HERC2: variants seen among roughly 807,000 people sequenced by gnomAD.
HERC2 encodes the protein HECT and RLD domain containing E3 ubiquitin protein ligase 2, also known as E3 ubiquitin-protein ligase HERC2.
In HERC2, 102 loss-of-function variants were observed where a neutral mutation model predicts 537.7. The observed-to-expected ratio is 0.19, with a 90% CI of 0.16 to 0.22. HERC2 has a LOEUF of 0.22. Ranked by LOEUF, HERC2 falls within the 10% of genes least tolerant of loss-of-function variation. The pLI is 1.00. For missense variants in HERC2, 4,236 were observed against 6,198.2 expected (o/e 0.68, Z 10.63); for synonymous variants, 2,224 against 2,466.2 (o/e 0.90, Z 2.91).
intron 15 of HERC2, among the ~76,000 whole-genome samples, chr15:28,262,450 CCTTTGCAACT>C (rs2075439997): frequency 1.3e-5 from 2 of 152,202 alleles, no homozygotes; most frequent in Admixed American, 1.3e-4. Flanking sequence ...ATGCTGGACA[CCTTTGCAACT>C]GAGCAAGCAG....
At chr15:28,189,522 G>C (rs1896631528) in intron 55 of HERC2, among the ~76,000 whole-genome samples, 1 of 152,058 alleles carries the variant, frequency 6.6e-6, no homozygotes, top group Non-Finnish European at 1.5e-5. Context: ...CATTTTTATA[G>C]TTTGCCAATT....
chr15:28,296,606 A>C (rs2525956), intron 3 of HERC2, among the ~76,000 whole-genome samples: 4 of 151,958 alleles, frequency 2.6e-5, no homozygotes, highest in South Asian at 4.2e-4. Flanking sequence ...TTTGGGAAAA[A>C]TTTTAATTTA....
chr15:28,298,242 C>G (rs2076524944), intron 3 of HERC2, among the ~76,000 whole-genome samples: 1 of 147,884 alleles, frequency 6.8e-6, no homozygotes, highest in Admixed American at 6.7e-5. Context: ...CAACCTCCAC[C>G]TCCCGGCTCC....
At chr15:28,141,062 A>G (rs1005865971) in intron 78 of HERC2, among the ~76,000 whole-genome samples, 3 of 151,542 alleles carry the variant, frequency 2.0e-5, no homozygotes, top group Non-Finnish European at 2.9e-5. Flanking sequence ...ACATGGTGAA[A>G]ACCTGTCTCT....
intron 64 of HERC2, among the ~76,000 whole-genome samples, chr15:28,174,993 T>C (rs1016842777): frequency 6.6e-6 from 1 of 152,140 alleles, no homozygotes; most frequent in Non-Finnish European, 1.5e-5. Context: ...AAGTTGCTTC[T>C]TGGCCTTATA....
At chr15:28,150,836 C>G (rs1443544439) in intron 70 of HERC2, among the ~76,000 whole-genome samples, 1 of 151,710 alleles carries the variant, frequency 6.6e-6, no homozygotes, top group East Asian at 1.9e-4. Flanking sequence ...CATACTTTCA[C>G]AGAGGAAAAA....
At position 28,300,823 on chromosome 15, in the gene HERC2, CAAAAAAAAAA is replaced by C. The variant is rs57696757; in HGVS notation, c.73-1317_73-1308del. Reference sequence around the variant, plus strand: ...GGGTAAACAGAACGAGACTCCATCTCAAAAAAAAAAAAAAAAAAAAAAAAAAAAAATTAAG... The same window carrying C: ...GGGTAAACAGAACGAGACTCCATCTCAAAAAAAAAAAAAAAAAAAATTAAG... On this transcript the variant is annotated intron_variant, in intron 2 of 92. Coordinates refer to ENST00000261609, the MANE Select transcript of HERC2 (RefSeq NM_004667.6). 2.5e-3 allele frequency among the ~76,000 whole-genome samples: 33 copies of C among 13,138 alleles called. No homozygotes were observed. In the East Asian group the frequency reaches 0.033, roughly 13 times the overall value. The allele number at this position is 13,138 out of a possible 152,430, so 8.6% of individuals were successfully genotyped here.
chr15:28,277,294 G>A (rs2075899986), intron 5 of HERC2, among the ~76,000 whole-genome samples: 1 of 152,000 alleles, frequency 6.6e-6, no homozygotes, highest in South Asian at 2.1e-4. Flanking sequence ...ACACAATTGA[G>A]AGCATGTAAA....
intron 2 of HERC2, among the ~76,000 whole-genome samples, chr15:28,307,596 C>G (rs1047516481): frequency 5.0e-4 from 76 of 152,238 alleles, no homozygotes; most frequent in African/African-American, 1.8e-3. Flanking sequence ...AATTTCTTCA[C>G]TGACCTGTTG....
intron 12 of HERC2, among the ~76,000 whole-genome samples, chr15:28,267,706 C>T (rs1007338898): frequency 1.3e-5 from 2 of 152,232 alleles, no homozygotes; most frequent in African/African-American, 4.8e-5. Context: ...CGGATGCTGT[C>T]GGCAATGATG....
At chr15:28,266,634 C>T (rs2075575073) in intron 12 of HERC2, among the ~76,000 whole-genome samples, 1 of 152,200 alleles carries the variant, frequency 6.6e-6, no homozygotes, top group Non-Finnish European at 1.5e-5. Context: ...GGCTGGATCT[C>T]AAGACATCTG....
In HERC2 at chr15:28,142,257, G is replaced by A. The variant is rs759781745; in HGVS notation, c.11681C>T (p.Pro3894Leu). The A allele has an allele frequency of 2.2e-5, 35 of 1,614,054 alleles. No homozygotes were observed. Among genetic ancestry groups the A allele is most frequent in the Non-Finnish European group, 3.0e-5 (35 of 1,180,042 alleles). ...AVALDKRTPL[P>L]RLFLDEVAKK... The stretch of plus-strand genomic sequence containing the variant: ...CAATACCTCATCAAGAAACAGACGG[G>A]GCAACGGTGTTCTTTTGTCAAGGGC... Residue 3894 changes from proline (P) to leucine (L), a missense_variant, in exon 76 of 93, where the codon CCC becomes CTC. Coordinates refer to ENST00000261609, the MANE Select transcript of HERC2 (RefSeq NM_004667.6).
At chr15:28,207,272 C>T (rs1419009138) in intron 44 of HERC2, among the ~76,000 whole-genome samples, 1 of 152,010 alleles carries the variant, frequency 6.6e-6, no homozygotes, top group African/African-American at 2.4e-5. Context: ...GTAGCTGGGA[C>T]TACAGGCACA....
chr15:28,258,423 G>A (rs1471747262), intron 16 of HERC2, among the ~76,000 whole-genome samples: 1 of 152,036 alleles, frequency 6.6e-6, no homozygotes, highest in Non-Finnish European at 1.5e-5. Context: ...CGTGAGCTGA[G>A]ATCATGTCAT....
intron 70 of HERC2, among the ~76,000 whole-genome samples, chr15:28,148,254 T>TA: frequency 6.6e-6 from 1 of 151,460 alleles, no homozygotes; most frequent in Non-Finnish European, 1.5e-5. Context: ...AGAATTACAA[T>TA]AAAACTACAT....
intron 35 of HERC2, among the ~76,000 whole-genome samples, chr15:28,227,931 T>C (rs1381438161): frequency 6.6e-6 from 1 of 151,870 alleles, no homozygotes; most frequent in African/African-American, 2.4e-5. Flanking sequence ...GGAAAGCAGA[T>C]TTGTGACTAC....
At chr15:28,130,038 G>T in intron 83 of HERC2, 125 bp downstream of exon 83, 1 of 1,188,062 alleles carries the variant, frequency 8.4e-7, no homozygotes, top group Non-Finnish European at 1.2e-6. Context: ...CTCCCAAAGT[G>T]CTGGGGCAAC....
intron 35 of HERC2, among the ~76,000 whole-genome samples, chr15:28,226,892 G>A (rs1022156987): frequency 2.6e-5 from 4 of 152,184 alleles, no homozygotes; most frequent in African/African-American, 9.7e-5. Flanking sequence ...AAGAGTCTGA[G>A]GACTGGTGTT....
rs780523031 is a variant in HERC2 at position 28,237,039 on chromosome 15, C to G, written c.3927G>C (p.Leu1309=). The change falls in exon 26 of 93, where the codon CTG becomes CTC. Residue 1309 remains leucine, a synonymous_variant. Transcript: ENST00000261609. The part of the protein sequence containing the change: ...SSPLIDTERN[L]GLLLGLHASY... ...AAGCGTGTAATCCGAGAAGCAGGCCCAGATTCCTCTCTGTGTCTATCAGAG... is the reference window on the plus strand; with the variant it reads ...AAGCGTGTAATCCGAGAAGCAGGCCGAGATTCCTCTCTGTGTCTATCAGAG... 2 of 1,611,130 alleles carry G rather than the reference C, an allele frequency of 1.2e-6. No individual in the cohort carries two copies. The highest frequency in any genetic ancestry group is 8.5e-7 in the Non-Finnish European group (1 of 1,179,062).
Sources: allele counts gnomAD v4.1 joint callset (sites outside exome capture counted in the v4.1 genomes callset), GRCh38; gene constraint gnomAD v4.1.1; transcripts MANE v1.5; gene names NCBI Gene and HGNC (gene_info 2026-07-23, HGNC 2026-07-21).